Variants in PARD3 observed in about 807,000 individuals in gnomAD.
PARD3 encodes partitioning defective 3 homolog.
A neutral mutation model predicts 155.4 loss-of-function variants in PARD3; 75 were observed. That is an observed-to-expected ratio of 0.48 (90% confidence interval 0.40 to 0.58). The LOEUF is 0.58. Among genes scored for constraint, PARD3 ranks in the 20% least tolerant of loss-of-function variants. The pLI is 0.00. For missense variants in PARD3, 1,642 were observed against 1,721.7 expected (o/e 0.95, Z 0.82); for synonymous variants, 576 against 610.5 (o/e 0.94, Z 0.83).
At chr10:34,563,932 T>C (rs918110139) in intron 2 of PARD3, among the ~76,000 whole-genome samples, 3 of 152,230 alleles carry the variant, frequency 2.0e-5, no homozygotes, top group Non-Finnish European at 4.4e-5. Flanking sequence ...ATAAAATTCA[T>C]ACCTGTTTTC....
chr10:34,656,961 T>C (rs895460277), intron 2 of PARD3, among the ~76,000 whole-genome samples: 2 of 152,206 alleles, frequency 1.3e-5, no homozygotes, highest in African/African-American at 4.8e-5. Flanking sequence ...CTAATAAACA[T>C]TCAACACTGT....
intron 3 of PARD3, among the ~76,000 whole-genome samples, chr10:34,501,501 T>C (rs1037331057): frequency 1.4e-4 from 21 of 152,156 alleles, no homozygotes; most frequent in African/African-American, 4.8e-4. Flanking sequence ...TATTTCTTTA[T>C]AGCAATGTAA....
chr10:34,606,190 GTGTGTGTGT>G (rs1298569606), intron 2 of PARD3, among the ~76,000 whole-genome samples: 6 of 79,864 alleles, frequency 7.5e-5, no homozygotes, highest in African/African-American at 3.8e-4. Flanking sequence ...GTGTGTGTGT[GTGTGTGTGT>G]GTGTGTGTGT....
chr10:34,330,205 C>T (rs1036264601), intron 19 of PARD3, among the ~76,000 whole-genome samples: 2 of 152,136 alleles, frequency 1.3e-5, no homozygotes, highest in African/African-American at 4.8e-5. Context: ...CAACAATTTT[C>T]ACTATTAGGA....
chr10:34,777,043 C>T (rs1332065644), intron 1 of PARD3, among the ~76,000 whole-genome samples: 3 of 141,540 alleles, frequency 2.1e-5, no homozygotes, highest in East Asian at 4.1e-4. Flanking sequence ...AGTAGAGACA[C>T]GGTTTCACCA....
chr10:34,534,037 G>T (rs541349272), intron 2 of PARD3, among the ~76,000 whole-genome samples: 1 of 152,090 alleles, frequency 6.6e-6, no homozygotes, highest in Non-Finnish European at 1.5e-5. Context: ...CATAGCCAAC[G>T]GGTTAACTTT....
At chr10:34,451,831 A>G (rs1454599767) in intron 4 of PARD3, among the ~76,000 whole-genome samples, 1 of 151,698 alleles carries the variant, frequency 6.6e-6, no homozygotes, top group Non-Finnish European at 1.5e-5. Context: ...AAACTAACTA[A>G]GGAAGCAAAC....
intron 22 of PARD3, among the ~76,000 whole-genome samples, chr10:34,175,176 T>G (rs75912813): frequency 0.03 from 4,626 of 152,298 alleles, 89 homozygotes; most frequent in Non-Finnish European, 0.04. Flanking sequence ...AAAGAATCAT[T>G]TGCCTTTATA....
intron 2 of PARD3, among the ~76,000 whole-genome samples, chr10:34,605,346 A>G (rs149995481): frequency 0.012 from 1,796 of 148,418 alleles, 40 homozygotes; most frequent in African/African-American, 0.041. Context: ...GGCGCCTACC[A>G]CCACGCCTGG....
At chr10:34,763,293 G>A (rs1325935560) in intron 1 of PARD3, among the ~76,000 whole-genome samples, 1 of 152,230 alleles carries the variant, frequency 6.6e-6, no homozygotes, top group South Asian at 2.1e-4. Flanking sequence ...TTTTTGCCCA[G>A]TGTTGACAGT....
chr10:34,606,028 CCTATATATATATATCTT>C (rs1276574602), intron 2 of PARD3, among the ~76,000 whole-genome samples: 30 of 128,058 alleles, frequency 2.3e-4, no homozygotes, highest in African/African-American at 8.6e-4. Flanking sequence ...ATCTATATCT[CCTATATATATATATCTT>C]CTATATATAT....
intron 22 of PARD3, among the ~76,000 whole-genome samples, chr10:34,156,350 G>A (rs1301437764): frequency 1.3e-5 from 2 of 152,044 alleles, no homozygotes; most frequent in Non-Finnish European, 2.9e-5. Context: ...TGCTTCCTTG[G>A]CCTCCCAAAG....
intron 7 of PARD3, among the ~76,000 whole-genome samples, chr10:34,395,408 C>T (rs185509290): frequency 2.6e-5 from 4 of 151,986 alleles, no homozygotes; most frequent in African/African-American, 4.8e-5. Flanking sequence ...GGTAATGAAA[C>T]GTTTTAGGTA....
chr10:34,717,064 A>AC (rs767441603), intron 1 of PARD3, among the ~76,000 whole-genome samples: 71 of 151,906 alleles, frequency 4.7e-4, no homozygotes, highest in Non-Finnish European at 9.1e-4. Flanking sequence ...AAAAGATTGG[A>AC]CCCCCCTGCT....
At chr10:34,442,367 T>C (rs1188779829) in intron 5 of PARD3, among the ~76,000 whole-genome samples, 1 of 152,216 alleles carries the variant, frequency 6.6e-6, no homozygotes, top group Non-Finnish European at 1.5e-5. Flanking sequence ...TTTAATGCTG[T>C]GACCCCTCAG....
At chr10:34,239,548 T>C (rs1311199789) in intron 22 of PARD3, among the ~76,000 whole-genome samples, 2 of 152,142 alleles carry the variant, frequency 1.3e-5, no homozygotes, top group African/African-American at 4.8e-5. Flanking sequence ...ATGCCTGTAA[T>C]CTCAGCACTT....
At chr10:34,282,403 A>C (rs926779851) in intron 21 of PARD3, among the ~76,000 whole-genome samples, 11 of 152,192 alleles carry the variant, frequency 7.2e-5, no homozygotes, top group African/African-American at 2.4e-4. Flanking sequence ...ATTAAAAGCA[A>C]AACTGAGAAG....
At position 34,495,163 on chromosome 10, in the gene PARD3, CAAAAAAAGCAA is replaced by C; in HGVS notation, c.403+21805_403+21815del. Among the ~76,000 whole-genome samples the C allele has an allele frequency of 2.0e-5, 3 of 147,766 alleles. No individual in the cohort carries two copies. The East Asian group carries it at 5.9e-4, about 29-fold the overall frequency. ...CTTCCTAACTATCTGTACCCATAAA[CAAAAAAAGCAA>C]AAAAAAAACAAACAAAAACCCACAA... On this transcript the variant is annotated intron_variant, in intron 3 of 24. Coordinates refer to ENST00000374788, the MANE Select transcript of PARD3 (RefSeq NM_001184785.2).
chr10:34,535,816 A>T (rs577603085), intron 2 of PARD3, among the ~76,000 whole-genome samples: 2 of 36,444 alleles, frequency 5.5e-5, no homozygotes, highest in East Asian at 5.7e-4. Context: ...AATTATCTTT[A>T]AAAAAAAAAA....
Sources: gnomAD v4.1 joint callset for allele counts (sites outside exome capture counted in the v4.1 genomes callset) on GRCh38, gnomAD v4.1.1 for gene constraint, MANE v1.5 for transcripts, NCBI Gene and HGNC (gene_info 2026-07-23, HGNC 2026-07-21) for gene names.